SETD7: variants seen among roughly 807,000 people sequenced by gnomAD.
SETD7 encodes SET domain containing 7, histone lysine methyltransferase.
In SETD7, 16 loss-of-function variants were observed where a neutral mutation model predicts 41.8. The ratio of observed to expected loss-of-function variants is 0.38; its 90% CI spans 0.26 to 0.58. SETD7 has a LOEUF of 0.58. Ranked by LOEUF, SETD7 falls within the 20% of genes least tolerant of loss-of-function variation. The pLI, the probability that SETD7 is intolerant of heterozygous loss-of-function variation, is 0.64. For missense variants in SETD7, 346 were observed against 459.7 expected, an observed-to-expected ratio of 0.75 and a Z score of 2.26; for synonymous variants, 163 against 169.7, an observed-to-expected ratio of 0.96 and a Z score of 0.31.
At chr4:139,493,606 C>G (rs1452725207), downstream of SETD7, among the ~76,000 whole-genome samples, 1 of 151,404 alleles carries the variant, frequency 6.6e-6, no homozygotes, top group Non-Finnish European at 1.5e-5. Flanking sequence ...GTGGCACAAT[C>G]CCAGCTCACT....
intron 7 of SETD7, among the ~76,000 whole-genome samples, 194 bp from the exon 8 acceptor site, chr4:139,512,037 C>G (rs1726891226): frequency 6.6e-6 from 1 of 152,150 alleles, no homozygotes; most frequent in African/African-American, 2.4e-5. Context: ...GGCCCCATCC[C>G]AGACCTGCTG....
intron 7 of SETD7, among the ~76,000 whole-genome samples, chr4:139,499,796 G>GT (rs1726533679): frequency 2.0e-5 from 3 of 152,204 alleles, no homozygotes; most frequent in African/African-American, 4.8e-5. Context: ...TCAGTGCACT[G>GT]TTTTTTTGTT....
intron 2 of SETD7, among the ~76,000 whole-genome samples, chr4:139,541,691 C>A (rs1022651128): frequency 6.6e-6 from 1 of 152,106 alleles, no homozygotes; most frequent in African/African-American, 2.4e-5. Flanking sequence ...TAGGGCAAAC[C>A]ATCTGGTAAA....
intron 7 of SETD7, among the ~76,000 whole-genome samples, chr4:139,500,744 G>C (rs531813026): frequency 2.2e-4 from 33 of 152,292 alleles, no homozygotes; most frequent in Non-Finnish European, 4.0e-4. Flanking sequence ...CCTGACCTCA[G>C]ATGATCTGCC....
chr4:139,523,258 C>G, intron 5 of SETD7, 96 bp downstream of exon 5: 1 of 842,568 alleles, frequency 1.2e-6, no homozygotes, highest in Non-Finnish European at 1.9e-6. Flanking sequence ...TGGAACCCAG[C>G]CTGGGCAGAG....
chr4:139,504,965 G>A (rs1267919507), downstream of SETD7, among the ~76,000 whole-genome samples: 1 of 152,188 alleles, frequency 6.6e-6, no homozygotes, highest in Non-Finnish European at 1.5e-5. Context: ...ATGCGTGTTA[G>A]AGGGTGAAGC....
chr4:139,495,081 A>C (rs773492021), downstream of SETD7, among the ~76,000 whole-genome samples: 13 of 152,232 alleles, frequency 8.5e-5, no homozygotes, highest in Non-Finnish European at 1.6e-4. Context: ...TCTTTCATTC[A>C]TTCTTTTGTA....
At chr4:139,517,418 T>C (rs1378255059) in intron 7 of SETD7, among the ~76,000 whole-genome samples, 3 of 143,324 alleles carry the variant, frequency 2.1e-5, no homozygotes, top group African/African-American at 8.3e-5. Context: ...GAGGTTGCGG[T>C]GAGCTGAGAT....
rs955718064 is a variant in SETD7 at position 139,510,373 on chromosome 4, T to C, written c.*1290A>G. On this transcript the variant is annotated 3_prime_UTR_variant, in exon 8 of 8. Coordinates refer to ENST00000274031, the MANE Select transcript of SETD7 (RefSeq NM_030648.4). ...CAGGATTCATTCAGAGCAATCCCAGTGATGTTACAGATCTAATTAGCTAAA... is the reference window on the plus strand; with the variant it reads ...CAGGATTCATTCAGAGCAATCCCAGCGATGTTACAGATCTAATTAGCTAAA... The C allele has an allele frequency of 6.6e-6, 1 of 152,234 alleles. No homozygotes were observed. The highest frequency in any genetic ancestry group is 2.4e-5 in the African/African-American group (1 of 41,458). 9.4% of individuals were successfully genotyped at this position (152,234 alleles called of 1,614,324 possible).
intron 7 of SETD7, among the ~76,000 whole-genome samples, chr4:139,497,294 A>G (rs1462258103): frequency 6.6e-6 from 1 of 151,846 alleles, no homozygotes; most frequent in Non-Finnish European, 1.5e-5. Flanking sequence ...GTCTCTACTA[A>G]AAATACAAAA....
intron 2 of SETD7, 60 bp downstream of exon 2, chr4:139,546,860 A>C: frequency 6.2e-7 from 1 of 1,605,950 alleles, no homozygotes; most frequent in Admixed American, 1.7e-5. Context: ...CGTTTGTATT[A>C]GTCCTTAACA....
chr4:139,517,018 T>C (rs1044482482), intron 7 of SETD7, among the ~76,000 whole-genome samples: 1 of 152,230 alleles, frequency 6.6e-6, no homozygotes, highest in African/African-American at 2.4e-5. Context: ...CATCTTTCAC[T>C]TAGCATAGTG....
At chr4:139,534,437 G>C (rs1240128171) in intron 2 of SETD7, among the ~76,000 whole-genome samples, 1 of 151,980 alleles carries the variant, frequency 6.6e-6, no homozygotes, top group Non-Finnish European at 1.5e-5. Flanking sequence ...GCCCAGGCTG[G>C]AGTGCAGTGG....
At chr4:139,556,003 G>A (rs932077475) in intron 1 of SETD7, 95 bp downstream of exon 1, 10 of 1,307,122 alleles carry the variant, frequency 7.7e-6, no homozygotes, top group Non-Finnish European at 1.0e-5. Context: ...AGTGGCGGCC[G>A]CGGGGCCCGG....
At chr4:139,523,000 C>T (rs928584910) in intron 5 of SETD7, among the ~76,000 whole-genome samples, 1 of 151,982 alleles carries the variant, frequency 6.6e-6, no homozygotes, top group Non-Finnish European at 1.5e-5. Context: ...GTGATCCGCC[C>T]GCCTTGGCCT....
At chr4:139,523,297 C>G in intron 5 of SETD7, 57 bp downstream of exon 5, 1 of 1,333,016 alleles carries the variant, frequency 7.5e-7, no homozygotes, top group Non-Finnish European at 1.1e-6. Flanking sequence ...GTTCCTACCA[C>G]TAGGCTTATT....
chr4:139,550,602 G>A (rs1728084568), intron 1 of SETD7, among the ~76,000 whole-genome samples: 1 of 152,200 alleles, frequency 6.6e-6, no homozygotes, highest in South Asian at 2.1e-4. Flanking sequence ...GAAGAGACTA[G>A]GTTGCAGTGC....
intron 1 of SETD7, among the ~76,000 whole-genome samples, chr4:139,554,851 T>C (rs2111183443): frequency 6.6e-6 from 1 of 152,336 alleles, no homozygotes; most frequent in South Asian, 2.1e-4. Context: ...TAAAACTGAT[T>C]TTTCCCTAGT....
chr4:139,543,237 G>A (rs1000743529), intron 2 of SETD7, among the ~76,000 whole-genome samples: 3 of 152,142 alleles, frequency 2.0e-5, no homozygotes, highest in Admixed American at 6.5e-5. Context: ...TCTAAAAGCC[G>A]GGGATGGGAA....
Sources: gnomAD v4.1 joint callset for allele counts (sites outside exome capture counted in the v4.1 genomes callset) on GRCh38, gnomAD v4.1.1 for gene constraint, MANE v1.5 for transcripts, NCBI Gene and HGNC (gene_info 2026-07-23, HGNC 2026-07-21) for gene names.